CDK5RAP2: variants seen among roughly 807,000 people sequenced by gnomAD.
CDK5RAP2 encodes the protein CDK5 regulatory subunit-associated protein 2.
A neutral mutation model predicts 232.9 loss-of-function variants in CDK5RAP2; 147 were observed. The observed-to-expected ratio is 0.63, with a 90% confidence interval of 0.55 to 0.72. The LOEUF (loss-of-function observed/expected upper bound fraction) is 0.72. Among genes scored for constraint, CDK5RAP2 ranks in the 30% least tolerant of loss-of-function variants. The probability of loss-of-function intolerance (pLI) is 0.00; values close to 1 mark genes in which losing one functional copy is unlikely to be tolerated. For synonymous variants in CDK5RAP2, 833 were observed against 833.7 expected (o/e 1.00, Z 0.01); for missense variants, 2,195 against 2,231.5 (o/e 0.98, Z 0.33).
At chr9:120,472,746 T>A (rs1307418987) in intron 15 of CDK5RAP2, among the ~76,000 whole-genome samples, 1 of 152,032 alleles carries the variant, frequency 6.6e-6, no homozygotes, top group Non-Finnish European at 1.5e-5. Flanking sequence ...ACCAAGAAAA[T>A]GCACACCTCC....
At chr9:120,498,813 G>T (rs180987390) in intron 12 of CDK5RAP2, among the ~76,000 whole-genome samples, 3 of 151,972 alleles carry the variant, frequency 2.0e-5, no homozygotes, top group Admixed American at 6.6e-5. Context: ...TTGAGCCCAG[G>T]AATTTGACAC....
At chr9:120,398,135 GT>G (rs2032682027) in intron 35 of CDK5RAP2, among the ~76,000 whole-genome samples, 1 of 152,188 alleles carries the variant, frequency 6.6e-6, no homozygotes, top group African/African-American at 2.4e-5. Flanking sequence ...GCACTCACTG[GT>G]GCTAGAACAG....
At chr9:120,467,780 G>C (rs1006733439) in intron 18 of CDK5RAP2, 80 bp downstream of exon 18, 2 of 1,490,138 alleles carry the variant, frequency 1.3e-6, no homozygotes, top group African/African-American at 1.4e-5. Context: ...CAAAGTGCTG[G>C]GATTACAGGC....
At chr9:120,551,578 G>A (rs2042043400) in intron 3 of CDK5RAP2, among the ~76,000 whole-genome samples, 1 of 152,134 alleles carries the variant, frequency 6.6e-6, no homozygotes. Context: ...CTAATCAAGA[G>A]GAGTCTACCA....
At chr9:120,528,836 C>G (rs755580663) in intron 8 of CDK5RAP2, 39 bp from the exon 9 acceptor site, 6 of 1,407,406 alleles carry the variant, frequency 4.3e-6, no homozygotes, top group Non-Finnish European at 6.1e-6. Flanking sequence ...AAGGGACGTG[C>G]AATCCAACAG....
At chr9:120,487,471 C>T (rs2038674887) in intron 13 of CDK5RAP2, 34 bp from the exon 14 acceptor site, 4 of 1,507,832 alleles carry the variant, frequency 2.7e-6, no homozygotes, top group Admixed American at 2.1e-5. Flanking sequence ...AGGAAATTGT[C>T]ATCAAGAAAA....
At chr9:120,558,017 C>T (rs1326862434) in intron 3 of CDK5RAP2, among the ~76,000 whole-genome samples, 4 of 147,972 alleles carry the variant, frequency 2.7e-5, no homozygotes, top group South Asian at 2.1e-4. Flanking sequence ...TTGCCCACCT[C>T]GGCCTCCCAA....
chr9:120,560,768 C>T (rs2042435838), intron 3 of CDK5RAP2, among the ~76,000 whole-genome samples: 1 of 152,126 alleles, frequency 6.6e-6, no homozygotes, highest in Admixed American at 6.5e-5. Flanking sequence ...AGGCACATGC[C>T]ACCATGCCCA....
At chr9:120,417,367 C>A (rs567101623) in intron 27 of CDK5RAP2, among the ~76,000 whole-genome samples, 1 of 152,348 alleles carries the variant, frequency 6.6e-6, no homozygotes, top group South Asian at 2.1e-4. Flanking sequence ...CACCTCCACA[C>A]TCCTTAAACT....
At chr9:120,574,499 A>G (rs1339199638) in intron 1 of CDK5RAP2, among the ~76,000 whole-genome samples, 1 of 152,232 alleles carries the variant, frequency 6.6e-6, no homozygotes, top group Middle Eastern at 3.2e-3. Flanking sequence ...AGTTAGTGGC[A>G]AAGCCAAGCC....
intron 15 of CDK5RAP2, among the ~76,000 whole-genome samples, chr9:120,472,485 T>C (rs2037767791): frequency 6.6e-6 from 1 of 152,066 alleles, no homozygotes; most frequent in South Asian, 2.1e-4. Context: ...TCCTGCTGTG[T>C]TACTCCTCAA....
At chr9:120,566,080 C>T (rs927136374) in intron 3 of CDK5RAP2, among the ~76,000 whole-genome samples, 32 of 152,296 alleles carry the variant, frequency 2.1e-4, no homozygotes, top group African/African-American at 7.0e-4. Context: ...TAGAATAGGA[C>T]GAATCATGAG....
At chr9:120,399,705 A>G (rs2032831297) in intron 35 of CDK5RAP2, among the ~76,000 whole-genome samples, 1 of 152,208 alleles carries the variant, frequency 6.6e-6, no homozygotes, top group Admixed American at 6.5e-5. Context: ...GACCCCAGTG[A>G]GTCTCAGCCT....
At chr9:120,571,927 C>T (rs2042868545) in intron 2 of CDK5RAP2, 47 bp downstream of exon 2, 2 of 1,468,948 alleles carry the variant, frequency 1.4e-6, no homozygotes, top group Non-Finnish European at 1.9e-6. Context: ...CCAATGTCTA[C>T]TTTCCTTGTT....
intron 15 of CDK5RAP2, among the ~76,000 whole-genome samples, chr9:120,475,677 C>T (rs1187418250): frequency 6.6e-6 from 1 of 152,112 alleles, no homozygotes; most frequent in South Asian, 2.1e-4. Flanking sequence ...CAGAGAGTGA[C>T]GCCTACTCCC....
chr9:120,483,734 A>G (rs2038447381), intron 14 of CDK5RAP2, among the ~76,000 whole-genome samples: 1 of 152,232 alleles, frequency 6.6e-6, no homozygotes, highest in African/African-American at 2.4e-5. Context: ...GCTAGTGAGT[A>G]GTAGGACTGG....
intron 12 of CDK5RAP2, among the ~76,000 whole-genome samples, chr9:120,500,446 G>A (rs925501897): frequency 1.3e-5 from 2 of 152,136 alleles, no homozygotes; most frequent in Admixed American, 1.3e-4. Flanking sequence ...GGAGTTTTTT[G>A]TTGCACCACA....
rs2040834472 is a variant in CDK5RAP2 at position 120,524,967 on chromosome 9, AAGCC to A, written c.1092+15_1092+18del. ...GTCAGGATCAAAGAGACAGCCACTT[AAGCC>A]AAGTGTACACTTACCTGAAATTCCT... On this transcript the variant is annotated intron_variant, in intron 11 of 37. Coordinates refer to ENST00000349780, the MANE Select transcript of CDK5RAP2 (RefSeq NM_018249.6). 6.3e-7 allele frequency: 1 copy of A among 1,586,860 alleles called. No individual in the cohort carries two copies. Among genetic ancestry groups the A allele is most frequent in the Non-Finnish European group, 8.7e-7 (1 of 1,155,256 alleles).
chr9:120,427,850 T>G (rs1049310002), intron 25 of CDK5RAP2, among the ~76,000 whole-genome samples: 1 of 152,132 alleles, frequency 6.6e-6, no homozygotes, highest in African/African-American at 2.4e-5. Context: ...GACCACATAG[T>G]TGGAAGTAAA....
Sources: gnomAD v4.1 joint callset for allele counts (sites outside exome capture counted in the v4.1 genomes callset) on GRCh38, gnomAD v4.1.1 for gene constraint, MANE v1.5 for transcripts, NCBI Gene and HGNC (gene_info 2026-07-23, HGNC 2026-07-21) for gene names.